SMOC2: variants seen among roughly 807,000 people sequenced by gnomAD.
SMOC2 encodes SPARC-related modular calcium-binding protein 2.
A neutral mutation model predicts 61.4 loss-of-function variants in SMOC2; 39 were observed. That is an observed-to-expected ratio of 0.64 (90% CI 0.49 to 0.83). The LOEUF (loss-of-function observed/expected upper bound fraction) is 0.83. Among genes scored for constraint, SMOC2 ranks in the 40% least tolerant of loss-of-function variants. SMOC2 has a pLI of 0.00. For missense variants in SMOC2, 556 were observed against 592.9 expected (o/e 0.94, Z 0.65); for synonymous variants, 247 against 239.9 (o/e 1.03, Z -0.27).
At chr6:168,653,752 A>G (rs9455682) in intron 11 of SMOC2, among the ~76,000 whole-genome samples, 12,049 of 127,594 alleles carry the variant, frequency 0.094, 1,883 homozygotes, top group African/African-American at 0.34. Context: ...GCTCCAACCA[A>G]ATGTTAGGAA....
At chr6:168,632,758 A>T (rs2115249215) in intron 9 of SMOC2, among the ~76,000 whole-genome samples, 1 of 152,352 alleles carries the variant, frequency 6.6e-6, no homozygotes, top group Admixed American at 6.5e-5. Flanking sequence ...GTTTTGGAAA[A>T]GGAGCAGGCT....
intron 5 of SMOC2, among the ~76,000 whole-genome samples, chr6:168,545,947 T>G (rs1450493609): frequency 1.3e-5 from 2 of 152,258 alleles, no homozygotes; most frequent in African/African-American, 4.8e-5. Flanking sequence ...CCACAGAATA[T>G]TCCTAGTTTA....
At position 168,535,086 on chromosome 6, in the gene SMOC2, T is replaced by C. The variant is rs886835032; in HGVS notation, c.463+7359T>C. ...CCGGGGTTCAAGCGATTCTCCTGCC[T>C]CTGCCTCCGGAGTAGCTGGGACTAC... On this transcript the variant is annotated intron_variant, in intron 4 of 12. Coordinates refer to ENST00000356284, the MANE Select transcript of SMOC2 (RefSeq NM_001166412.2). The surrounding 1 kb of genome is among the most constrained non-coding windows in gnomAD (Gnocchi z 4.6). Among the ~76,000 whole-genome samples the C allele has an allele frequency of 6.6e-6, 1 of 152,088 alleles. No homozygotes were observed. The highest frequency in any genetic ancestry group is 1.5e-5 in the Non-Finnish European group (1 of 68,024).
intron 11 of SMOC2, among the ~76,000 whole-genome samples, chr6:168,661,980 T>G (rs989243601): frequency 1.1e-4 from 17 of 152,226 alleles, no homozygotes; most frequent in African/African-American, 4.1e-4. Flanking sequence ...AATTGCAAAT[T>G]GTTTTTCACC....
rs75601708 is a variant in SMOC2, at chr6:168,486,232, A to G, written c.85-23683A>G. Among the ~76,000 whole-genome samples, 24 of 152,326 alleles carry G rather than the reference A, an allele frequency of 1.6e-4. No individual in the cohort carries two copies. The East Asian group carries it at 4.2e-3, about 27-fold the overall frequency. On this transcript the variant is annotated intron_variant, in intron 1 of 12. Transcript: ENST00000356284. ...ATAATATTGTTCCCCAAATCACTGA[A>G]TACAAAGTCTAGTGGCAGAACTGGA...
intron 1 of SMOC2, among the ~76,000 whole-genome samples, chr6:168,468,096 G>GT (rs1189259530): frequency 6.6e-6 from 1 of 152,172 alleles, no homozygotes; most frequent in Non-Finnish European, 1.5e-5. Context: ...GGGCTCTGAG[G>GT]TTTGTACTCT....
intron 9 of SMOC2, among the ~76,000 whole-genome samples, chr6:168,624,747 ACACACT>A (rs566815950): frequency 2.0e-5 from 3 of 151,860 alleles, no homozygotes; most frequent in African/African-American, 2.4e-5. Context: ...ACAGATTCAC[ACACACT>A]CACAGACACA....
rs138445284 is a variant in SMOC2 at position 168,617,879 on chromosome 6, T to C, written c.907+9640T>C. 1.3e-4 allele frequency among the ~76,000 whole-genome samples: 20 copies of C among 152,342 alleles called. No individual in the cohort carries two copies. The East Asian group carries it at 1.5e-3, about 12-fold the overall frequency. ...TATCTCGCCTGATTGCATGGCCTAC[T>C]TGGAGAGGCGGGGGTCGCGTCCAGC... is the stretch of plus-strand genomic sequence containing the variant. On this transcript the variant is annotated intron_variant, in intron 9 of 12. Transcript: ENST00000356284.
intron 11 of SMOC2, among the ~76,000 whole-genome samples, chr6:168,662,414 C>T (rs367949279): frequency 1.3e-5 from 2 of 152,106 alleles, no homozygotes; most frequent in African/African-American, 2.4e-5. Flanking sequence ...AACCAAGGGC[C>T]GTCGGGTGGA....
At chr6:168,577,522 G>A (rs1271773692) in intron 7 of SMOC2, among the ~76,000 whole-genome samples, 1 of 152,158 alleles carries the variant, frequency 6.6e-6, no homozygotes, top group Non-Finnish European at 1.5e-5. Context: ...GAAAATAGCG[G>A]AATCTCTCCA....
chr6:168,666,482 T>G lies in SMOC2; in HGVS notation c.*44T>G. On this transcript the variant is annotated 3_prime_UTR_variant, in exon 13 of 13. Transcript: ENST00000356284. ...GCAGTTCCTAGACACATGGGAAATT[T>G]CCCTCACCAAAGAGCAATTAAGAAA... 1 of 1,608,966 alleles carries G rather than the reference T, an allele frequency of 6.2e-7. No individual in the cohort carries two copies.
chr6:168,601,390 C>T (rs114393975), intron 8 of SMOC2, among the ~76,000 whole-genome samples: 5 of 152,336 alleles, frequency 3.3e-5, no homozygotes, highest in African/African-American at 7.2e-5. Flanking sequence ...CTGAGGCCAG[C>T]GGCTGAGGCT....
At chr6:168,569,492 G>C (rs1036316453) in intron 7 of SMOC2, among the ~76,000 whole-genome samples, 2 of 152,196 alleles carry the variant, frequency 1.3e-5, no homozygotes, top group African/African-American at 2.4e-5. Context: ...CCAGGCTGGA[G>C]TGCAATAGTG....
chr6:168,497,280 G>C (rs1266497161), intron 1 of SMOC2, among the ~76,000 whole-genome samples: 3 of 152,252 alleles, frequency 2.0e-5, no homozygotes, highest in Non-Finnish European at 2.9e-5. Context: ...TGGCATCTTC[G>C]TGTGTTCCTG....
intron 8 of SMOC2, among the ~76,000 whole-genome samples, chr6:168,599,214 CCA>C (rs1785425927): frequency 7.1e-6 from 1 of 140,092 alleles, no homozygotes; most frequent in African/African-American, 2.7e-5. Flanking sequence ...ACACTCATAC[CCA>C]CACACACCCA....
rs373830622 is a variant in SMOC2 at position 168,509,965 on chromosome 6, G to A, written c.135G>A (p.Ala45=). The change falls in exon 2 of 13, where the codon GCG becomes GCA. Residue 45 remains alanine, a synonymous_variant. Transcript: ENST00000356284. ...DKDKDCSLDC[A]GSPQKPLCAS... ...ACAAGGATTGTAGCTTGGACTGTGC[G>A]GGTTCGCCCCAGAAACCTCTCTGCG... 67 of 1,614,038 alleles carry A rather than the reference G, an allele frequency of 4.2e-5. No homozygotes were observed. Among genetic ancestry groups the A allele is most frequent in the African/African-American group, 9.3e-5 (7 of 74,904 alleles).
At chr6:168,626,242 C>T (rs190556910) in intron 9 of SMOC2, among the ~76,000 whole-genome samples, 87 of 152,298 alleles carry the variant, frequency 5.7e-4, no homozygotes, top group Non-Finnish European at 8.8e-4. Flanking sequence ...CTCAAGTCCG[C>T]GCCCCCGTTT....
intron 1 of SMOC2, among the ~76,000 whole-genome samples, chr6:168,497,723 G>A (rs1318560378): frequency 6.6e-6 from 1 of 152,184 alleles, no homozygotes; most frequent in Non-Finnish European, 1.5e-5. Context: ...CGGTTTTCGG[G>A]TTATTCAATC....
At chr6:168,643,387 T>C (rs984074235) in intron 9 of SMOC2, among the ~76,000 whole-genome samples, 5 of 152,202 alleles carry the variant, frequency 3.3e-5, no homozygotes, top group African/African-American at 9.6e-5. Context: ...CTTTGTTCCC[T>C]AGGACCATCC....
Sources: allele counts gnomAD v4.1 joint callset (sites outside exome capture counted in the v4.1 genomes callset), GRCh38; gene constraint gnomAD v4.1.1; non-coding constraint Gnocchi (gnomAD v3.1); transcripts MANE v1.5; gene names NCBI Gene and HGNC (gene_info 2026-07-23, HGNC 2026-07-21).